ENTREP2: variants seen among roughly 807,000 people sequenced by gnomAD.
The protein encoded by ENTREP2 is endosomal transmembrane epsin interactor 2.
At chr15:29,463,561 A>G in the ENTREP2 span, among the ~76,000 whole-genome samples, 1 of 152,246 alleles carries the variant, frequency 6.6e-6, no homozygotes, top group South Asian at 2.1e-4. Flanking sequence ...GAAGTAACCA[A>G]AATACCAAGG....
the ENTREP2 span, among the ~76,000 whole-genome samples, chr15:29,306,708 G>C: frequency 2.1e-5 from 1 of 48,418 alleles, no homozygotes; most frequent in Non-Finnish European, 4.6e-5. Flanking sequence ...TTTTTTTTTG[G>C]AGATAGAGTC....
At chr15:29,642,967 G>C in the ENTREP2 span, among the ~76,000 whole-genome samples, 1 of 152,058 alleles carries the variant, frequency 6.6e-6, no homozygotes, top group Non-Finnish European at 1.5e-5. Context: ...ACATGCAAAA[G>C]AATTAAATTG....
the ENTREP2 span, among the ~76,000 whole-genome samples, chr15:29,499,288 C>G: frequency 6.9e-6 from 1 of 144,074 alleles, no homozygotes; most frequent in Admixed American, 6.8e-5. Flanking sequence ...ATTCCTTTCT[C>G]TTCATCTTTT....
chr15:29,398,351 C>T, the ENTREP2 span, among the ~76,000 whole-genome samples: 52 of 151,802 alleles, frequency 3.4e-4, no homozygotes, highest in African/African-American at 8.0e-4. Flanking sequence ...ATTAATGTGA[C>T]GAAAATGAAA....
the ENTREP2 span, among the ~76,000 whole-genome samples, chr15:29,403,192 T>G: frequency 3.3e-5 from 5 of 152,286 alleles, no homozygotes; most frequent in African/African-American, 1.2e-4. Flanking sequence ...CACTTCTATG[T>G]GGGCTGCTGC....
the ENTREP2 span, among the ~76,000 whole-genome samples, chr15:29,182,196 C>T: frequency 6.6e-6 from 1 of 151,510 alleles, no homozygotes; most frequent in Non-Finnish European, 1.5e-5. Context: ...GCTATCTCAG[C>T]TCACTGCAAG....
the ENTREP2 span, among the ~76,000 whole-genome samples, chr15:29,232,035 G>A: frequency 3.6e-3 from 547 of 151,888 alleles, 12 homozygotes; most frequent in Admixed American, 0.025. Context: ...GATTACAGGC[G>A]TGGGCCACCA....
chr15:29,537,170 T>C, the ENTREP2 span, among the ~76,000 whole-genome samples: 1 of 152,248 alleles, frequency 6.6e-6, no homozygotes, highest in South Asian at 2.1e-4. Context: ...TGTCAGTAAT[T>C]GCGATTGAAG....
chr15:29,250,629 C>T, the ENTREP2 span, among the ~76,000 whole-genome samples: 1 of 152,020 alleles, frequency 6.6e-6, no homozygotes. Flanking sequence ...TTCCCTTCAC[C>T]CAATCACTCT....
the ENTREP2 span, among the ~76,000 whole-genome samples, chr15:29,336,590 T>C: frequency 6.6e-6 from 1 of 152,084 alleles, no homozygotes; most frequent in Non-Finnish European, 1.5e-5. Context: ...GAATTACAGA[T>C]GTGAGCCACC....
chr15:29,149,959 CG>C, the ENTREP2 span, among the ~76,000 whole-genome samples: 1 of 152,212 alleles, frequency 6.6e-6, no homozygotes. Context: ...GGGCTTCTGA[CG>C]GCAGCCGCTG....
chr15:29,610,376 G>T, the ENTREP2 span: 1 of 150,494 alleles, frequency 6.6e-6, no homozygotes, highest in Non-Finnish European at 1.5e-5. Flanking sequence ...GGCACCCAAG[G>T]TTTTCTGTAA....
At chr15:29,389,156 A>G in the ENTREP2 span, among the ~76,000 whole-genome samples, 1 of 111,486 alleles carries the variant, frequency 9.0e-6, no homozygotes, top group Non-Finnish European at 1.7e-5. Flanking sequence ...AGGAACTATG[A>G]AAAAAAAAAA....
chr15:29,488,829 T>C, the ENTREP2 span, among the ~76,000 whole-genome samples: 1 of 152,150 alleles, frequency 6.6e-6, no homozygotes, highest in Non-Finnish European at 1.5e-5. Flanking sequence ...TGATACATCC[T>C]ACAAAAATAC....
At chr15:29,511,247 C>T in the ENTREP2 span, among the ~76,000 whole-genome samples, 1 of 152,256 alleles carries the variant, frequency 6.6e-6, no homozygotes, top group Non-Finnish European at 1.5e-5. Flanking sequence ...AAGCGGGTTT[C>T]CTGCAGAGGA....
the ENTREP2 span, among the ~76,000 whole-genome samples, chr15:29,617,161 G>A: frequency 1.3e-5 from 2 of 152,220 alleles, no homozygotes; most frequent in Admixed American, 1.3e-4. Flanking sequence ...GCTGTCTGCA[G>A]GCTGGAGGCC....
the ENTREP2 span, among the ~76,000 whole-genome samples, chr15:29,436,997 G>A: frequency 6.6e-6 from 1 of 152,148 alleles, no homozygotes; most frequent in African/African-American, 2.4e-5. Context: ...ACAGGAGGTG[G>A]GGGCCAAACA....
the ENTREP2 span, among the ~76,000 whole-genome samples, chr15:29,321,686 TAAAG>T: frequency 6.9e-6 from 1 of 144,082 alleles, no homozygotes; most frequent in African/African-American, 2.5e-5. Flanking sequence ...GAAAAAGAAA[TAAAG>T]ACTTTTTCGG....
the ENTREP2 span, among the ~76,000 whole-genome samples, chr15:29,416,373 C>T: frequency 6.6e-6 from 1 of 152,122 alleles, no homozygotes; most frequent in African/African-American, 2.4e-5. Flanking sequence ...CTTTGACTAA[C>T]CTGACAAAAA....
Sources: allele counts gnomAD v4.1 joint callset (sites outside exome capture counted in the v4.1 genomes callset), GRCh38; gene constraint gnomAD v4.1.1; transcripts MANE v1.5; gene names NCBI Gene and HGNC (gene_info 2026-07-23, HGNC 2026-07-21).